Variants in FRMD4B observed in about 807,000 individuals in gnomAD.
FRMD4B encodes FERM domain-containing protein 4B.
Under a neutral mutation model 141.5 loss-of-function variants are expected in FRMD4B, and 74 were observed. The observed-to-expected ratio is 0.52, with a 90% CI of 0.43 to 0.63. The LOEUF (loss-of-function observed/expected upper bound fraction) is 0.63. FRMD4B is among the 30% of genes least tolerant of loss of function. The pLI, the probability that FRMD4B is intolerant of heterozygous loss-of-function variation, is 0.00. For missense variants in FRMD4B, 1,366 were observed against 1,253.4 expected, an observed-to-expected ratio of 1.09 and a Z score of -1.36; for synonymous variants, 506 against 467.9, an observed-to-expected ratio of 1.08 and a Z score of -1.05.
intron 5 of FRMD4B, among the ~76,000 whole-genome samples, chr3:69,274,466 A>T (rs2093609160): frequency 6.6e-6 from 1 of 152,120 alleles, no homozygotes; most frequent in Non-Finnish European, 1.5e-5. Flanking sequence ...TTGATTTCAC[A>T]TTCTAAAATG....
intron 1 of FRMD4B, among the ~76,000 whole-genome samples, chr3:69,468,457 T>G (rs1337986645): frequency 2.6e-5 from 4 of 152,188 alleles, no homozygotes; most frequent in Admixed American, 6.5e-5. Flanking sequence ...CCTGTTTGTA[T>G]TTAAATCCCA....
intron 1 of FRMD4B, among the ~76,000 whole-genome samples, chr3:69,347,628 C>T (rs1284118696): frequency 5.3e-5 from 8 of 152,198 alleles, no homozygotes; most frequent in South Asian, 2.1e-4. Context: ...TTATAACAAA[C>T]GGTCTCTCAG....
chr3:69,513,903 C>T (rs1193156460), intron 1 of FRMD4B, among the ~76,000 whole-genome samples: 1 of 152,086 alleles, frequency 6.6e-6, no homozygotes, highest in African/African-American at 2.4e-5. Flanking sequence ...AAGGAAACTA[C>T]TTCAACATAA....
At chr3:69,190,736 A>T (rs143788582) in intron 17 of FRMD4B, among the ~76,000 whole-genome samples, 1 of 152,128 alleles carries the variant, frequency 6.6e-6, no homozygotes, top group Non-Finnish European at 1.5e-5. Context: ...CAGGTTTCTC[A>T]ACAGTGGCAC....
intron 1 of FRMD4B, among the ~76,000 whole-genome samples, chr3:69,346,113 T>C (rs1359713704): frequency 1.3e-5 from 2 of 151,968 alleles, no homozygotes; most frequent in Non-Finnish European, 2.9e-5. Flanking sequence ...CTAACTAGAA[T>C]AACCAGTGTA....
chr3:69,395,397 T>C (rs187945054), intron 2 of FRMD4B, among the ~76,000 whole-genome samples: 17 of 152,262 alleles, frequency 1.1e-4, no homozygotes, highest in African/African-American at 3.8e-4. Flanking sequence ...TGAACTGCAG[T>C]ACACTGAGAA....
At chr3:69,536,530 CG>C (rs1000249431) in intron 1 of FRMD4B, 8 of 696,308 alleles carry the variant, frequency 1.1e-5, no homozygotes, top group East Asian at 2.8e-5. Context: ...TACCACCGTG[CG>C]GGGGGTGGGG....
rs527356964 is a variant in FRMD4B, at chr3:69,440,552, C to T, written c.-128-7791G>A. Among the ~76,000 whole-genome samples the T allele has an allele frequency of 4.6e-5, 7 of 152,282 alleles. No homozygotes were observed. The South Asian group carries it at 1.2e-3, about 27-fold the overall frequency. On this transcript the variant is annotated intron_variant, in intron 1 of 5. Coordinates refer to the FRMD4B transcript ENST00000459638. Reference sequence around the variant, plus strand: ...GGGCATGGTGGCTCATGCCTGTAATCCCAGCACTTTGGGAAGCCAAGGCAG... The same window carrying T: ...GGGCATGGTGGCTCATGCCTGTAATTCCAGCACTTTGGGAAGCCAAGGCAG...
chr3:69,293,451 G>C (rs1700937684), intron 4 of FRMD4B, among the ~76,000 whole-genome samples: 1 of 118,492 alleles, frequency 8.4e-6, no homozygotes, highest in Middle Eastern at 4.9e-3. Context: ...AACATAGCAG[G>C]TGGCATGTAG....
At chr3:69,498,998 A>T (rs557094938) in intron 1 of FRMD4B, among the ~76,000 whole-genome samples, 1 of 152,362 alleles carries the variant, frequency 6.6e-6, no homozygotes, top group South Asian at 2.1e-4. Flanking sequence ...AGTGTGATAT[A>T]AGATGATAGT....
intron 2 of FRMD4B, 139 bp from the exon 3 acceptor site, chr3:69,311,496 G>C (rs1701586109): frequency 1.7e-6 from 1 of 588,718 alleles, no homozygotes; most frequent in Non-Finnish European, 3.1e-6. Flanking sequence ...TTGTGGATTA[G>C]GTTGATGTAC....
chr3:69,221,766 T>C, intron 9 of FRMD4B, 92 bp downstream of exon 9: 3 of 741,760 alleles, frequency 4.0e-6, no homozygotes, highest in Admixed American at 4.1e-5. Context: ...AAGGACTATG[T>C]TCACAAAAAC....
At chr3:69,492,243 T>C (rs1297753371) in intron 1 of FRMD4B, among the ~76,000 whole-genome samples, 1 of 152,214 alleles carries the variant, frequency 6.6e-6, no homozygotes, top group Non-Finnish European at 1.5e-5. Flanking sequence ...CCATGTGAGC[T>C]TGGCAGCTCA....
chr3:69,284,796 A>G (rs567891854), intron 5 of FRMD4B, among the ~76,000 whole-genome samples: 4 of 152,290 alleles, frequency 2.6e-5, no homozygotes, highest in African/African-American at 7.2e-5. Context: ...TTATAACTAT[A>G]TTTAATATGC....
intron 1 of FRMD4B, among the ~76,000 whole-genome samples, chr3:69,486,945 C>G (rs1272660120): frequency 6.6e-6 from 1 of 152,126 alleles, no homozygotes; most frequent in Non-Finnish European, 1.5e-5. Context: ...TGCCCCTGCC[C>G]CCAAGGTCTC....
intron 1 of FRMD4B, among the ~76,000 whole-genome samples, chr3:69,444,173 G>C (rs9829742): frequency 0.68 from 102,746 of 151,874 alleles, 35,320 homozygotes; most frequent in East Asian, 0.85. Flanking sequence ...AAACCCTAGC[G>C]TCTTTGGGGA....
intron 11 of FRMD4B, among the ~76,000 whole-genome samples, chr3:69,206,227 G>A (rs994144358): frequency 6.6e-5 from 10 of 152,184 alleles, no homozygotes; most frequent in Non-Finnish European, 2.9e-5. Context: ...ACATGCACCT[G>A]TAGTCCCAGC....
chr3:69,442,310 G>A (rs1485561368), intron 1 of FRMD4B, among the ~76,000 whole-genome samples: 1 of 151,950 alleles, frequency 6.6e-6, no homozygotes, highest in Non-Finnish European at 1.5e-5. Context: ...TCAAACTCCT[G>A]GCCTCAAGTG....
rs182718430 is a variant in FRMD4B at position 69,351,729 on chromosome 3, G to A, written c.162+34099C>T. 7.2e-5 allele frequency among the ~76,000 whole-genome samples: 11 copies of A among 152,308 alleles called. No individual in the cohort carries two copies. The East Asian group carries it at 1.9e-3, about 27-fold the overall frequency. On this transcript the variant is annotated intron_variant, in intron 1 of 22. Coordinates refer to ENST00000398540, the MANE Select transcript of FRMD4B (RefSeq NM_015123.3). ...CAGAGCATAGATTCGGAACTCAGGA[G>A]ATCCAGAATCCAGGCTGTGCCCTGC...
Sources: gnomAD v4.1 joint callset for allele counts (sites outside exome capture counted in the v4.1 genomes callset) on GRCh38, gnomAD v4.1.1 for gene constraint, MANE v1.5 for transcripts, NCBI Gene and HGNC (gene_info 2026-07-23, HGNC 2026-07-21) for gene names.